The following AMN1 variants were observed in gnomAD, a reference collection of about 807,000 sequenced individuals.
AMN1 encodes the protein antagonist of mitotic exit network 1 homolog, also known as protein AMN1 homolog.
Under a neutral mutation model 33.0 loss-of-function variants are expected in AMN1, and 20 were observed. The ratio of observed to expected loss-of-function variants is 0.61; its 90% CI spans 0.43 to 0.88. The LOEUF (loss-of-function observed/expected upper bound fraction) is 0.88, where lower values mean the gene tolerates loss of function less well. Ranked by LOEUF, AMN1 falls within the 40% of genes least tolerant of loss-of-function variation. The pLI, the probability that AMN1 is intolerant of heterozygous loss-of-function variation, is 0.00. For missense variants in AMN1, 246 were observed against 307.4 expected (o/e 0.80, Z 1.49); for synonymous variants, 114 against 111.9 (o/e 1.02, Z -0.12).
chr12:31,706,235 C>A (rs1379538338), intron 2 of AMN1, among the ~76,000 whole-genome samples: 3 of 144,978 alleles, frequency 2.1e-5, no homozygotes, highest in African/African-American at 7.7e-5. Flanking sequence ...TGGCGTGAAC[C>A]TGGGAGGCAG....
intron 6 of AMN1, among the ~76,000 whole-genome samples, chr12:31,682,650 G>A (rs1489877915): frequency 6.6e-6 from 1 of 152,204 alleles, no homozygotes; most frequent in East Asian, 1.9e-4. Context: ...GTGGGCTCTA[G>A]ATAGATGGCT....
intron 5 of AMN1, among the ~76,000 whole-genome samples, 199 bp from the exon 6 acceptor site, chr12:31,689,317 A>T (rs1418254344): frequency 6.6e-6 from 1 of 152,244 alleles, no homozygotes; most frequent in Non-Finnish European, 1.5e-5. Flanking sequence ...CATTTTATAA[A>T]GTAATGTGTA....
rs764060635 is a variant in AMN1 at position 31,700,154 on chromosome 12, A to T, written c.316+1709T>A. ...AAAAAAGTCCCTCTTTCTTATATTT[A>T]AAAAAAAAAAAAAAGCCTGGGCAAC... is the stretch of plus-strand genomic sequence containing the variant. On this transcript the variant is annotated intron_variant, in intron 3 of 6. Coordinates refer to ENST00000281471, the MANE Select transcript of AMN1 (RefSeq NM_001113402.2). Among the ~76,000 whole-genome samples, 430 of 137,460 alleles carry T rather than the reference A, an allele frequency of 3.1e-3. 1 individual carries two copies. Among genetic ancestry groups the T allele is most frequent in the Middle Eastern group, 7.4e-3 (2 of 270 alleles). The allele number at this position is 137,460 out of a possible 152,430, so 90.2% of individuals were successfully genotyped here. A position where few individuals can be genotyped will look rare whatever the true frequency, so the allele number is the denominator to read the frequency against.
intron 2 of AMN1, 31 bp from the exon 3 acceptor site, chr12:31,702,038 A>C (rs761480681): frequency 4.6e-6 from 7 of 1,508,118 alleles, no homozygotes. Context: ...TGAAAAAATT[A>C]TTTCTTTCTA....
At chr12:31,699,643 TA>T (rs1315498573) in intron 3 of AMN1, among the ~76,000 whole-genome samples, 1 of 152,148 alleles carries the variant, frequency 6.6e-6, no homozygotes, top group Non-Finnish European at 1.5e-5. Context: ...AATAAACTGG[TA>T]AATGTAACAA....
At chr12:31,672,962 A>C (rs989612444) in intron 6 of AMN1, 2 of 152,444 alleles carry the variant, frequency 1.3e-5, no homozygotes, top group Admixed American at 1.3e-4. Flanking sequence ...GATAACCATT[A>C]TATAAATACA....
chr12:31,693,357 G>A (rs1022659928), intron 5 of AMN1, among the ~76,000 whole-genome samples: 1 of 152,012 alleles, frequency 6.6e-6, no homozygotes, highest in African/African-American at 2.4e-5. Flanking sequence ...CTCCTGAGTA[G>A]CTGGGATTAC....
intron 5 of AMN1, among the ~76,000 whole-genome samples, chr12:31,695,757 G>A (rs1436883213): frequency 6.6e-6 from 1 of 151,508 alleles, no homozygotes; most frequent in Non-Finnish European, 1.5e-5. Flanking sequence ...AAAGTGCTGG[G>A]ATTATAGGCG....
At chr12:31,726,252 C>T (rs546680164) in intron 1 of AMN1, among the ~76,000 whole-genome samples, 73 of 151,254 alleles carry the variant, frequency 4.8e-4, no homozygotes, top group Middle Eastern at 3.4e-3. Flanking sequence ...ACCTCTGCCT[C>T]CCAGGTTCAA....
At chr12:31,717,448 T>A (rs1174761815) in intron 1 of AMN1, among the ~76,000 whole-genome samples, 1 of 152,256 alleles carries the variant, frequency 6.6e-6, no homozygotes, top group African/African-American at 2.4e-5. Flanking sequence ...TAGAATCATT[T>A]ATATTCCTTT....
At chr12:31,715,251 G>T in intron 1 of AMN1, 1 of 157,546 alleles carries the variant, frequency 6.3e-6, no homozygotes. Context: ...TAGAATATTT[G>T]TCAGGAGCAA....
At position 31,683,347 on chromosome 12, in the gene AMN1, G is replaced by C. The variant is rs753136906; in HGVS notation, c.703+5660C>G. On this transcript the variant is annotated intron_variant, in intron 6 of 6. Coordinates refer to ENST00000281471, the MANE Select transcript of AMN1 (RefSeq NM_001113402.2). The surrounding 1 kb of genome is among the most constrained non-coding windows in gnomAD (Gnocchi z 4.1). ...ATAAAGCAGTGGTTCCCAAAGTGTA[G>C]TCTGCATATTCTGTAGTCTGAGACC... Among the ~76,000 whole-genome samples, 3 of 152,212 alleles carry C rather than the reference G, an allele frequency of 2.0e-5. No homozygotes were observed. The highest frequency in any genetic ancestry group is 4.4e-5 in the Non-Finnish European group (3 of 68,048).
chr12:31,695,120 C>A (rs2139682629), intron 5 of AMN1, among the ~76,000 whole-genome samples: 1 of 152,200 alleles, frequency 6.6e-6, no homozygotes, highest in African/African-American at 2.4e-5. Context: ...TAATCACCAA[C>A]ACACTGGTTA....
Position 31,697,890 on chromosome 12 carries a change from G to T in AMN1, c.384C>A (p.Leu128=). 1 of 1,614,016 alleles carries T rather than the reference G, an allele frequency of 6.2e-7. No individual in the cohort carries two copies. The highest frequency in any genetic ancestry group is 8.5e-7 in the Non-Finnish European group (1 of 1,179,892). ...CAAGAGCAACGACTCCTTCGTCAGT[G>T]AGATTGCAGCATCTTTTCAAAGAAG... ...HEASLKRCCN[L]TDEGVVALAL... Residue 128 remains leucine (L), a synonymous_variant, in exon 4 of 7, where the codon CTC becomes CTA. Transcript: ENST00000281471.
chr12:31,691,800 G>C (rs1002960120), intron 5 of AMN1, among the ~76,000 whole-genome samples: 4 of 152,168 alleles, frequency 2.6e-5, no homozygotes, highest in Non-Finnish European at 5.9e-5. Context: ...TCATATTTAG[G>C]ATAGTGGTTA....
chr12:31,712,595 T>C (rs1413303612), intron 1 of AMN1, among the ~76,000 whole-genome samples: 1 of 152,158 alleles, frequency 6.6e-6, no homozygotes, highest in Non-Finnish European at 1.5e-5. Flanking sequence ...TATATATGTA[T>C]TATACCACAT....
chr12:31,688,625 C>A (rs1004900752), intron 6 of AMN1, among the ~76,000 whole-genome samples: 1 of 151,986 alleles, frequency 6.6e-6, no homozygotes, highest in Non-Finnish European at 1.5e-5. Flanking sequence ...CTGGGCAACA[C>A]GGGGAAATCC....
At chr12:31,682,065 G>C (rs1938040238) in intron 6 of AMN1, among the ~76,000 whole-genome samples, 1 of 152,032 alleles carries the variant, frequency 6.6e-6, no homozygotes, top group Non-Finnish European at 1.5e-5. Flanking sequence ...AGTTGGCTAG[G>C]GTAATCAAAA....
Position 31,692,748 on chromosome 12 carries a change from C to T in AMN1, c.592-3630G>A, listed in dbSNP as rs149853753. On this transcript the variant is annotated intron_variant, in intron 5 of 6. Transcript: ENST00000281471. Reference sequence around the variant, plus strand: ...TAAAAAACAAGTATGTTACATTATACGGACAGTCTGTTCTCTGATATGCCA... The same window carrying T: ...TAAAAAACAAGTATGTTACATTATATGGACAGTCTGTTCTCTGATATGCCA... Among the ~76,000 whole-genome samples the T allele has an allele frequency of 3.9e-3, 593 of 152,080 alleles. 5 individuals carry two copies. Among genetic ancestry groups the T allele is most frequent in the East Asian group, 0.012 (61 of 5,184 alleles).
Sources: gnomAD v4.1 joint callset for allele counts (sites outside exome capture counted in the v4.1 genomes callset) on GRCh38, gnomAD v4.1.1 for gene constraint, Gnocchi (gnomAD v3.1) non-coding constraint, MANE v1.5 for transcripts, NCBI Gene and HGNC (gene_info 2026-07-23, HGNC 2026-07-21) for gene names.